The following COL22A1 variants were observed in gnomAD, a reference collection of about 807,000 sequenced individuals.
The protein encoded by COL22A1 is collagen alpha-1(XXII) chain.
Under a neutral mutation model 248.9 loss-of-function variants are expected in COL22A1, and 221 were observed. The ratio of observed to expected loss-of-function variants is 0.89; its 90% confidence interval spans 0.80 to 0.99. COL22A1 has a LOEUF of 0.99. COL22A1 is among the 50% of genes least tolerant of loss of function. The probability of loss-of-function intolerance (pLI) is 0.00; values close to 1 mark genes in which losing one functional copy is unlikely to be tolerated. For synonymous variants in COL22A1, 891 were observed against 793.4 expected, an observed-to-expected ratio of 1.12 and a Z score of -2.07; for missense variants, 2,240 against 2,179.0, an observed-to-expected ratio of 1.03 and a Z score of -0.56.
intron 22 of COL22A1, 52 bp downstream of exon 22, chr8:138,751,406 G>A: frequency 7.8e-7 from 1 of 1,276,420 alleles, no homozygotes; most frequent in Non-Finnish European, 1.1e-6. Flanking sequence ...TTATAAAATA[G>A]GGACCAGTGT....
At chr8:138,902,782 ACACT>A (rs1285415654) in intron 1 of COL22A1, among the ~76,000 whole-genome samples, 23 of 150,596 alleles carry the variant, frequency 1.5e-4, no homozygotes, top group African/African-American at 3.2e-4. Context: ...ACACACACAC[ACACT>A]AGAACTGACT....
At chr8:138,831,714 A>T (rs1196689118) in intron 5 of COL22A1, among the ~76,000 whole-genome samples, 1 of 152,202 alleles carries the variant, frequency 6.6e-6, no homozygotes, top group East Asian at 1.9e-4. Flanking sequence ...CCAGGAGGCC[A>T]CAAAGGCAGG....
At chr8:138,810,159 G>A (rs2131686857) in intron 9 of COL22A1, among the ~76,000 whole-genome samples, 1 of 152,306 alleles carries the variant, frequency 6.6e-6, no homozygotes, top group South Asian at 2.1e-4. Flanking sequence ...AAGGAGGAAG[G>A]AAGGAGAGGA....
At chr8:138,694,693 A>C in intron 33 of COL22A1, 132 bp from the exon 34 acceptor site, 1 of 1,367,408 alleles carries the variant, frequency 7.3e-7, no homozygotes, top group Non-Finnish European at 1.0e-6. Context: ...CCTGAGGAGA[A>C]GAAAGGGCTG....
At chr8:138,741,065 T>C (rs1267042524) in intron 22 of COL22A1, among the ~76,000 whole-genome samples, 1 of 152,178 alleles carries the variant, frequency 6.6e-6, no homozygotes, top group East Asian at 1.9e-4. Context: ...CACCATCATC[T>C]CCTAAGCAAG....
intron 6 of COL22A1, 100 bp downstream of exon 6, chr8:138,826,558 G>T: frequency 7.6e-7 from 1 of 1,312,556 alleles, no homozygotes. Flanking sequence ...CTAGGCCCAG[G>T]GATAAGAGCC....
At chr8:138,892,763 C>G (rs1394610938) in intron 1 of COL22A1, among the ~76,000 whole-genome samples, 1 of 152,166 alleles carries the variant, frequency 6.6e-6, no homozygotes, top group Non-Finnish European at 1.5e-5. Flanking sequence ...GAGCAGAAAG[C>G]AATTTAGAGA....
chr8:138,700,251 A>C lies in COL22A1; in HGVS notation c.2560-107T>G, dbSNP rs1827845115. Reference sequence around the variant, plus strand: ...TTACAAGTGAAAGAATACAGCCCCAAAGCTTCCTGGAACGATTATTAGTTT... The same window carrying C: ...TTACAAGTGAAAGAATACAGCCCCACAGCTTCCTGGAACGATTATTAGTTT... On this transcript the variant is annotated intron_variant, in intron 31 of 64. Transcript: ENST00000303045. 15 of 977,750 alleles carry C rather than the reference A, an allele frequency of 1.5e-5. No homozygotes were observed. In the South Asian group the frequency reaches 2.1e-4, roughly 14 times the overall value. 60.6% of individuals were successfully genotyped at this position (977,750 alleles called of 1,614,324 possible).
intron 39 of COL22A1, among the ~76,000 whole-genome samples, chr8:138,679,958 T>A (rs1018639762): frequency 6.6e-6 from 1 of 152,314 alleles, no homozygotes; most frequent in East Asian, 1.9e-4. Flanking sequence ...CAGCCCAGTC[T>A]GGAAGCGTGG....
At chr8:138,734,640 A>G (rs1020077409) in intron 23 of COL22A1, among the ~76,000 whole-genome samples, 2 of 152,240 alleles carry the variant, frequency 1.3e-5, no homozygotes, top group Non-Finnish European at 2.9e-5. Context: ...ATCTAGAACC[A>G]GAAATACCAT....
chr8:138,769,693 C>T (rs763203261), intron 16 of COL22A1, among the ~76,000 whole-genome samples: 5 of 152,190 alleles, frequency 3.3e-5, no homozygotes, highest in Non-Finnish European at 5.9e-5. Flanking sequence ...AAGATGAATG[C>T]GGGCATCTGT....
Position 138,821,377 on chromosome 8 carries a change from A to G in COL22A1, c.1004T>C (p.Val335Ala). 1 of 1,613,948 alleles carries G rather than the reference A, an allele frequency of 6.2e-7. No homozygotes were observed. ...CATGGCACCCACAGCGTTGTACTCGACTGCCTTGTTTTCACCATCCAGCCG... is the reference window on the plus strand; with the variant it reads ...CATGGCACCCACAGCGTTGTACTCGGCTGCCTTGTTTTCACCATCCAGCCG... ...SIRLDGENKA[V>A]EYNAVGAMKD... is the part of the protein sequence containing the mutation. Residue 335 changes from valine (V) to alanine (A), a missense_variant, in exon 7 of 65, where the codon GTC becomes GCC. Val to Ala is a moderately conservative substitution (Grantham distance 64, BLOSUM62 0). Coordinates refer to ENST00000303045, the MANE Select transcript of COL22A1 (RefSeq NM_152888.3).
At chr8:138,819,652 TAAATA>T (rs1818943931) in intron 7 of COL22A1, among the ~76,000 whole-genome samples, 1 of 145,844 alleles carries the variant, frequency 6.9e-6, no homozygotes, top group African/African-American at 2.6e-5. Context: ...AGATATAAAT[TAAATA>T]AACATTATCT....
At chr8:138,712,025 T>C (rs9657460) in intron 30 of COL22A1, among the ~76,000 whole-genome samples, 149,584 of 152,296 alleles carry the variant, frequency 0.98, 73,509 homozygotes, top group East Asian at 1. Flanking sequence ...TTGACAGCAG[T>C]GACCCCTCAT....
At chr8:138,620,652 GAAC>G (rs1200420462) in intron 52 of COL22A1, 2 of 152,144 alleles carry the variant, frequency 1.3e-5, no homozygotes, top group Non-Finnish European at 2.9e-5. Flanking sequence ...TAGAAAAATG[GAAC>G]AACCAGCAGC....
chr8:138,717,737 G>A (rs1448768419), intron 27 of COL22A1, among the ~76,000 whole-genome samples: 1 of 152,202 alleles, frequency 6.6e-6, no homozygotes, highest in African/African-American at 2.4e-5. Flanking sequence ...CGGATGAAGT[G>A]GGGAACACAG....
At chr8:138,656,320 T>C (rs951078190) in intron 44 of COL22A1, among the ~76,000 whole-genome samples, 23 of 152,200 alleles carry the variant, frequency 1.5e-4, no homozygotes, top group Admixed American at 5.2e-4. Flanking sequence ...TGGATTGTCA[T>C]GGATATCCCA....
chr8:138,634,923 G>A, intron 49 of COL22A1, 87 bp downstream of exon 49: 2 of 922,074 alleles, frequency 2.2e-6, no homozygotes. Context: ...TGAGAGATAT[G>A]CTCAGTGTCA....
At chr8:138,671,561 A>C (rs1170165863) in intron 41 of COL22A1, among the ~76,000 whole-genome samples, 1 of 152,226 alleles carries the variant, frequency 6.6e-6, no homozygotes, top group African/African-American at 2.4e-5. Flanking sequence ...CAAAGTAGAA[A>C]GCGTTCTCTC....
Sources: allele counts gnomAD v4.1 joint callset (sites outside exome capture counted in the v4.1 genomes callset), GRCh38; gene constraint gnomAD v4.1.1; transcripts MANE v1.5; gene names NCBI Gene and HGNC (gene_info 2026-07-23, HGNC 2026-07-21).